KIF20B: variants seen among roughly 807,000 people sequenced by gnomAD.
The protein encoded by KIF20B is kinesin-like protein KIF20B.
KIF20B carries 188 observed loss-of-function variants against 232.5 expected under a neutral mutation model. The observed-to-expected ratio is 0.81, with a 90% CI of 0.72 to 0.91. The LOEUF is 0.91. KIF20B is among the 40% of genes least tolerant of loss of function. The probability of loss-of-function intolerance (pLI) is 0.00; values close to 1 mark genes in which losing one functional copy is unlikely to be tolerated. For missense variants in KIF20B, 2,154 were observed against 2,055.9 expected, an observed-to-expected ratio of 1.05 and a Z score of -0.92; for synonymous variants, 712 against 683.0, an observed-to-expected ratio of 1.04 and a Z score of -0.66.
intron 23 of KIF20B, among the ~76,000 whole-genome samples, chr10:89,749,078 G>A (rs1340200006): frequency 1.3e-5 from 2 of 152,022 alleles, no homozygotes; most frequent in Non-Finnish European, 2.9e-5. Context: ...AAACTCTCTT[G>A]TCTCAGCTTT....
intron 21 of KIF20B, among the ~76,000 whole-genome samples, chr10:89,740,609 T>A (rs1230281741): frequency 6.6e-6 from 1 of 152,218 alleles, no homozygotes; most frequent in African/African-American, 2.4e-5. Context: ...CACTCAAAGC[T>A]ATTTCATTAG....
intron 19 of KIF20B, among the ~76,000 whole-genome samples, chr10:89,734,066 C>T (rs567549403): frequency 5.9e-5 from 9 of 151,750 alleles, no homozygotes; most frequent in Non-Finnish European, 1.2e-4. Context: ...GGCATATTCT[C>T]ACTGGGGGAA....
At chr10:89,770,429 G>A (rs1451081549) in intron 31 of KIF20B, among the ~76,000 whole-genome samples, 2 of 151,650 alleles carry the variant, frequency 1.3e-5, no homozygotes, top group South Asian at 2.1e-4. Context: ...TGGAGAGGAG[G>A]GACATCTTTC....
At chr10:89,764,488 T>C (rs573092122) in intron 29 of KIF20B, among the ~76,000 whole-genome samples, 2 of 152,350 alleles carry the variant, frequency 1.3e-5, no homozygotes, top group Non-Finnish European at 1.5e-5. Flanking sequence ...TCCACGATGG[T>C]TGAACTAGTT....
chr10:89,737,563 TTAAA>T lies in KIF20B; in HGVS notation c.2727_2730del (p.Lys910ArgfsTer17), dbSNP rs772119866. 2.5e-6 allele frequency: 4 copies of T among 1,606,744 alleles called. 1 individual carries two copies. In the South Asian group the frequency reaches 3.4e-5, roughly 14 times the overall value. The stretch of plus-strand genomic sequence containing the variant: ...AAATGAAAAGGAAGAAAAAGCAGAA[TTAAA>T]TAAACAGATTGTTCATTTTCAGCAG... On this transcript the variant is annotated frameshift_variant, in exon 20 of 33. Transcript: ENST00000371728. LOFTEE classifies it high-confidence loss of function.
At chr10:89,732,474 A>C (rs537993559) in intron 18 of KIF20B, among the ~76,000 whole-genome samples, 19 of 147,698 alleles carry the variant, frequency 1.3e-4, no homozygotes, top group African/African-American at 4.9e-4. Context: ...AAAAAAGTCT[A>C]AATGACGTAT....
At chr10:89,734,302 T>C (rs1841596193) in intron 19 of KIF20B, among the ~76,000 whole-genome samples, 1 of 152,088 alleles carries the variant, frequency 6.6e-6, no homozygotes, top group Non-Finnish European at 1.5e-5. Context: ...TCCCAGCTAC[T>C]TGGGAAGCTG....
At chr10:89,744,636 A>G (rs10785902) in intron 22 of KIF20B, among the ~76,000 whole-genome samples, 47,412 of 152,068 alleles carry the variant, frequency 0.31, 8,363 homozygotes, top group African/African-American at 0.47. Context: ...ATGATATTTA[A>G]AAGGCAAAAT....
At position 89,705,350 on chromosome 10, in the gene KIF20B, C is replaced by A. The variant is rs774900148; in HGVS notation, c.56C>A (p.Ala19Asp). Reference protein sequence around the residue: ...GVPRPSYVFSADPIARPSEIN... With the variant: ...GVPRPSYVFSDDPIARPSEIN... ...CCTCGACCATCTTATGTTTTTAGTG[C>A]TGACCCAATTGCAAGGCCTTCAGAA... The change falls in exon 2 of 33, where the codon GCT becomes GAT. Residue 19 changes from alanine to aspartate, a missense_variant. By Grantham distance (126) the Ala-to-Asp change is moderately radical. Coordinates refer to ENST00000371728, the MANE Select transcript of KIF20B (RefSeq NM_001284259.2). 2.0e-5 allele frequency: 32 copies of A among 1,613,854 alleles called. No homozygotes were observed. The highest frequency in any genetic ancestry group is 2.5e-5 in the Non-Finnish European group (30 of 1,179,804).
At position 89,701,640 on chromosome 10, in the gene KIF20B, A is replaced by G. The variant is rs1033646522; in HGVS notation, c.-42A>G. 7 of 152,408 alleles carry G rather than the reference A, an allele frequency of 4.6e-5. No individual in the cohort carries two copies. The highest frequency in any genetic ancestry group is 1.7e-4 in the African/African-American group (7 of 41,466). 9.4% of individuals were successfully genotyped at this position (152,408 alleles called of 1,614,324 possible). On this transcript the variant is annotated 5_prime_UTR_variant, in exon 1 of 33. Coordinates refer to ENST00000371728, the MANE Select transcript of KIF20B (RefSeq NM_001284259.2). ...TTGAATTTGAAAACGGTAACATCGC[A>G]GTGCTGCTCGCGGGTCTGGCTAGTC...
intron 5 of KIF20B, 98 bp from the exon 6 acceptor site, chr10:89,710,863 C>T (rs1842823143): frequency 1.2e-6 from 1 of 839,608 alleles, no homozygotes; most frequent in African/African-American, 1.8e-5. Flanking sequence ...GTTGTTGACT[C>T]TTGCCTATTG....
At chr10:89,716,889 A>T (rs7089108) in intron 9 of KIF20B, among the ~76,000 whole-genome samples, 1 of 151,810 alleles carries the variant, frequency 6.6e-6, no homozygotes, top group African/African-American at 2.4e-5. Flanking sequence ...ATACTCAGTG[A>T]GGGTATAATC....
At chr10:89,759,493 C>T (rs1842195553) in intron 27 of KIF20B, among the ~76,000 whole-genome samples, 1 of 151,840 alleles carries the variant, frequency 6.6e-6, no homozygotes, top group Non-Finnish European at 1.5e-5. Context: ...AGCCTTCAGA[C>T]AATAGGAAAA....
chr10:89,709,489 T>C, intron 4 of KIF20B, 28 bp downstream of exon 4: 1 of 1,465,886 alleles, frequency 6.8e-7, no homozygotes, highest in Non-Finnish European at 9.5e-7. Context: ...TTGTTTTTTG[T>C]TTTAAAGATA....
rs866470653 is a variant in KIF20B, at chr10:89,724,081, G to T, written c.1840G>T (p.Ala614Ser). The T allele has an allele frequency of 6.6e-7, 1 of 1,515,920 alleles. No individual in the cohort carries two copies. The highest frequency in any genetic ancestry group is 8.8e-7 in the Non-Finnish European group (1 of 1,139,180). 93.9% of individuals were successfully genotyped at this position (1,515,920 alleles called of 1,614,324 possible). A position where few individuals can be genotyped will look rare whatever the true frequency, so the allele number is the denominator to read the frequency against. Residue 614 changes from alanine to serine, a missense_variant, in exon 14 of 33, where the codon GCT becomes TCT. By Grantham distance (99) the Ala-to-Ser change is moderately conservative. Coordinates refer to ENST00000371728, the MANE Select transcript of KIF20B (RefSeq NM_001284259.2). ...EVTQEFTQYW[A>S]QREADFKETL... ...TACACAGGAGTTTACTCAGTATTGG[G>T]CTCAACGGGAAGCTGACTTTAAGTA... is the stretch of plus-strand genomic sequence containing the variant.
At chr10:89,710,316 G>T (rs1354946376) in intron 5 of KIF20B, among the ~76,000 whole-genome samples, 1 of 151,378 alleles carries the variant, frequency 6.6e-6, no homozygotes, top group Admixed American at 6.6e-5. Flanking sequence ...CTGCCTCCTG[G>T]GTTCAGATGA....
intron 18 of KIF20B, among the ~76,000 whole-genome samples, chr10:89,730,419 C>T (rs958666709): frequency 4.1e-4 from 62 of 152,198 alleles, no homozygotes; most frequent in African/African-American, 1.4e-3. Flanking sequence ...AAAAAAACAA[C>T]ATAAATATAG....
At position 89,746,168 on chromosome 10, in the gene KIF20B, G is replaced by A. The variant is rs111782321; in HGVS notation, c.4096+209G>A. 8.9e-3 allele frequency among the ~76,000 whole-genome samples: 1,353 copies of A among 152,316 alleles called. 20 individuals are homozygous for A. Among genetic ancestry groups the A allele is most frequent in the African/African-American group, 0.031 (1,276 of 41,560 alleles). On this transcript the variant is annotated intron_variant, in intron 23 of 32. Transcript: ENST00000371728. ...ACAGCTCCTGAAGGCCCCAGTGGGCGTGTTCTACAGGGTGTTTTTTCAGCC... is the reference window on the plus strand; with the variant it reads ...ACAGCTCCTGAAGGCCCCAGTGGGCATGTTCTACAGGGTGTTTTTTCAGCC...
Position 89,710,059 on chromosome 10 carries a change from T to C in KIF20B, c.484T>C (p.Phe162Leu), listed in dbSNP as rs200906639. 1.9e-6 allele frequency: 3 copies of C among 1,597,596 alleles called. No homozygotes were observed. Among genetic ancestry groups the C allele is most frequent in the Non-Finnish European group, 2.6e-6 (3 of 1,174,396 alleles). The change falls in exon 5 of 33, where the codon TTT (phenylalanine) becomes CTT (leucine). Residue 162 changes from phenylalanine (F) to leucine (L), a missense_variant. By Grantham distance (22) the Phe-to-Leu change is conservative. Transcript: ENST00000371728. ...GLTNSGKTYT[F>L]QGTEENIGIL... is the part of the protein sequence containing the mutation. ...AACCAATTCAGGAAAAACATATACA[T>C]TTCAAGGTAAATATTGTTTTATTTT...
Sources: gnomAD v4.1 joint callset for allele counts (sites outside exome capture counted in the v4.1 genomes callset) on GRCh38, gnomAD v4.1.1 for gene constraint, MANE v1.5 for transcripts, NCBI Gene and HGNC (gene_info 2026-07-23, HGNC 2026-07-21) for gene names.